Variants in NCAM2 observed in about 807,000 individuals in gnomAD.
NCAM2 encodes neural cell adhesion molecule 2.
NCAM2 carries 30 observed loss-of-function variants against 98.1 expected under a neutral mutation model. The ratio of observed to expected loss-of-function variants is 0.31; its 90% confidence interval spans 0.23 to 0.41. The LOEUF is 0.41. NCAM2 is among the 10% of genes least tolerant of loss of function. The probability of loss-of-function intolerance (pLI) is 1.00; values close to 1 mark genes in which losing one functional copy is unlikely to be tolerated. For synonymous variants in NCAM2, 368 were observed against 342.4 expected (o/e 1.07, Z -0.83); for missense variants, 867 against 1,005.8 (o/e 0.86, Z 1.87).
chr21:21,349,340 T>C (rs1602063617), intron 8 of NCAM2, among the ~76,000 whole-genome samples: 3 of 152,122 alleles, frequency 2.0e-5, no homozygotes, highest in East Asian at 3.9e-4. Context: ...CTCAATGTCA[T>C]GGATCATCAG....
intron 1 of NCAM2, among the ~76,000 whole-genome samples, chr21:21,235,185 G>C (rs968918734): frequency 1.3e-5 from 2 of 151,228 alleles, no homozygotes; most frequent in Non-Finnish European, 2.9e-5. Flanking sequence ...ACATGCTTTA[G>C]TAAGAAAGAT....
intron 1 of NCAM2, among the ~76,000 whole-genome samples, chr21:21,015,317 T>C (rs1276488744): frequency 6.6e-6 from 1 of 152,126 alleles, no homozygotes; most frequent in Admixed American, 6.6e-5. Context: ...GAAGAGCCGA[T>C]TGAAAACACC....
intron 8 of NCAM2, among the ~76,000 whole-genome samples, chr21:21,365,250 T>C (rs2075757865): frequency 6.6e-6 from 1 of 151,182 alleles, no homozygotes; most frequent in South Asian, 2.1e-4. Context: ...TGTGTGTGTG[T>C]GTGTGTGTGT....
chr21:21,454,452 A>T (rs1981817584), intron 12 of NCAM2, among the ~76,000 whole-genome samples: 1 of 152,152 alleles, frequency 6.6e-6, no homozygotes, highest in South Asian at 2.1e-4. Context: ...AGGTGTTAAC[A>T]TCCCTAACTT....
intron 12 of NCAM2, among the ~76,000 whole-genome samples, chr21:21,465,721 ACT>A (rs1403832824): frequency 3.3e-5 from 5 of 152,044 alleles, no homozygotes; most frequent in Admixed American, 3.3e-4. Flanking sequence ...ACTTGGAGTT[ACT>A]GTGTAAACCA....
chr21:21,371,684 A>G (rs2075917908), intron 8 of NCAM2, among the ~76,000 whole-genome samples: 1 of 151,720 alleles, frequency 6.6e-6, no homozygotes, highest in African/African-American at 2.4e-5. Flanking sequence ...CCATTCCTCC[A>G]CTTACTCCTA....
At chr21:21,407,334 A>G (rs926888125) in intron 9 of NCAM2, among the ~76,000 whole-genome samples, 27 of 152,212 alleles carry the variant, frequency 1.8e-4, no homozygotes, top group African/African-American at 5.8e-4. Flanking sequence ...GATACCACAA[A>G]TACATTTTTT....
intron 1 of NCAM2, among the ~76,000 whole-genome samples, chr21:21,037,718 A>C (rs1320232147): frequency 6.6e-6 from 1 of 152,236 alleles, no homozygotes; most frequent in African/African-American, 2.4e-5. Flanking sequence ...GGATTTTGTC[A>C]GTTAAAAATT....
At chr21:21,266,839 G>GT (rs930663913) in intron 1 of NCAM2, among the ~76,000 whole-genome samples, 1 of 152,062 alleles carries the variant, frequency 6.6e-6, no homozygotes, top group African/African-American at 2.4e-5. Flanking sequence ...CCTGCACGTT[G>GT]TGCACATGTA....
intron 1 of NCAM2, among the ~76,000 whole-genome samples, chr21:21,139,147 G>A (rs1340344664): frequency 6.6e-6 from 1 of 152,220 alleles, no homozygotes; most frequent in Non-Finnish European, 1.5e-5. Flanking sequence ...TAAGAAAAAG[G>A]CAGAGGGGGA....
At chr21:21,144,606 C>CTTT (rs11292466) in intron 1 of NCAM2, among the ~76,000 whole-genome samples, 1,855 of 151,238 alleles carry the variant, frequency 0.012, 19 homozygotes, top group Middle Eastern at 0.065. Context: ...AAATGTCTGT[C>CTTT]TTTTTTTTTC....
intron 1 of NCAM2, among the ~76,000 whole-genome samples, chr21:21,179,266 C>T (rs987410100): frequency 2.0e-5 from 3 of 151,402 alleles, no homozygotes; most frequent in Non-Finnish European, 2.9e-5. Flanking sequence ...TTTTCAACAG[C>T]TACTTGGTAA....
At chr21:21,378,656 G>C (rs1021400471) in intron 9 of NCAM2, among the ~76,000 whole-genome samples, 1 of 151,840 alleles carries the variant, frequency 6.6e-6, no homozygotes, top group Non-Finnish European at 1.5e-5. Flanking sequence ...GCATACATTC[G>C]CATGTATATG....
chr21:21,052,932 GGTTT>G (rs1424783905), intron 1 of NCAM2, among the ~76,000 whole-genome samples: 6 of 151,658 alleles, frequency 4.0e-5, no homozygotes, highest in Admixed American at 3.3e-4. Flanking sequence ...CATTTCTAAG[GGTTT>G]GTTTGTTTTT....
At chr21:21,038,814 G>A (rs776799741) in intron 1 of NCAM2, among the ~76,000 whole-genome samples, 6 of 152,112 alleles carry the variant, frequency 3.9e-5, no homozygotes, top group Non-Finnish European at 7.3e-5. Context: ...CAAACTCAGT[G>A]TTTGTGATCC....
chr21:21,109,117 G>T (rs186327128), intron 1 of NCAM2, among the ~76,000 whole-genome samples: 1 of 152,164 alleles, frequency 6.6e-6, no homozygotes, highest in East Asian at 1.9e-4. Context: ...CATAATTTGT[G>T]CAGTGGTTGG....
In NCAM2 at chr21:21,530,157, G is replaced by A. The variant is rs35637130; in HGVS notation, c.2283-4380G>A. Among the ~76,000 whole-genome samples the A allele has an allele frequency of 7.5e-3, 935 of 124,190 alleles. 29 individuals are homozygous for A. Among genetic ancestry groups the A allele is most frequent in the African/African-American group, 0.025 (851 of 33,726 alleles). The allele number at this position is 124,190 out of a possible 152,430, so 81.5% of individuals were successfully genotyped here. ...GATTTAATTTAATTTAATTATATAT[G>A]ATTTAATTTAATTTAATTATATATG... On this transcript the variant is annotated intron_variant, in intron 16 of 17. Transcript: ENST00000400546.
chr21:21,062,596 A>AG (rs2065346290), intron 1 of NCAM2, among the ~76,000 whole-genome samples: 1 of 152,186 alleles, frequency 6.6e-6, no homozygotes, highest in Non-Finnish European at 1.5e-5. Flanking sequence ...TGTAGTCTCA[A>AG]GAACTTTGAG....
At chr21:21,257,953 C>T (rs2071740067) in intron 1 of NCAM2, among the ~76,000 whole-genome samples, 1 of 152,200 alleles carries the variant, frequency 6.6e-6, no homozygotes, top group Non-Finnish European at 1.5e-5. Flanking sequence ...CATATGTAGG[C>T]TTGCAGTTAT....
Sources: gnomAD v4.1 joint callset for allele counts (sites outside exome capture counted in the v4.1 genomes callset) on GRCh38, gnomAD v4.1.1 for gene constraint, MANE v1.5 for transcripts, NCBI Gene and HGNC (gene_info 2026-07-23, HGNC 2026-07-21) for gene names.